The following NBN variants were observed in gnomAD, a reference collection of about 807,000 sequenced individuals.
NBN encodes the protein Nijmegen breakage syndrome 1 (nibrin).
A neutral mutation model predicts 90.8 loss-of-function variants in NBN; 88 were observed. That is an observed-to-expected ratio of 0.97 (90% CI 0.82 to 1.16). The LOEUF (loss-of-function observed/expected upper bound fraction) is 1.16. NBN is among the 50% of genes most tolerant of loss of function. The probability of loss-of-function intolerance (pLI) is 0.00; values close to 1 mark genes in which losing one functional copy is unlikely to be tolerated. For missense variants in NBN, 894 were observed against 869.6 expected, an observed-to-expected ratio of 1.03 and a Z score of -0.35; for synonymous variants, 328 against 295.1, an observed-to-expected ratio of 1.11 and a Z score of -1.14.
chr8:89,941,488 T>C (rs957815996), intron 14 of NBN, among the ~76,000 whole-genome samples: 4 of 152,232 alleles, frequency 2.6e-5, no homozygotes, highest in South Asian at 2.1e-4. Flanking sequence ...GTGATTTTTA[T>C]AGTTTTCCTC....
At chr8:89,946,428 G>C (rs1435235105) in intron 12 of NBN, 133 bp from the exon 13 acceptor site, 4 of 779,548 alleles carry the variant, frequency 5.1e-6, no homozygotes, top group Non-Finnish European at 6.3e-6. Flanking sequence ...TCTTGTACCT[G>C]AACTTTGTAT....
At chr8:89,975,088 T>C (rs1475548102) in intron 5 of NBN, among the ~76,000 whole-genome samples, 3 of 152,234 alleles carry the variant, frequency 2.0e-5, no homozygotes, top group African/African-American at 4.8e-5. Flanking sequence ...CTTTTAAATG[T>C]ATTCTTCTAA....
At chr8:89,947,987 T>C (rs1483321480) in intron 11 of NBN, 95 bp from the exon 12 acceptor site, 1 of 727,914 alleles carries the variant, frequency 1.4e-6, no homozygotes, top group South Asian at 2.0e-5. Context: ...AAGTGTAAAA[T>C]GGTTCCTTTC....
At chr8:89,942,852 AGAAT>A (rs2130754016) in intron 14 of NBN, among the ~76,000 whole-genome samples, 1 of 152,340 alleles carries the variant, frequency 6.6e-6, no homozygotes, top group African/African-American at 2.4e-5. Context: ...AATATTCAAG[AGAAT>A]GAATAAGAAA....
At chr8:89,965,805 G>A (rs574358874) in intron 7 of NBN, among the ~76,000 whole-genome samples, 2 of 152,190 alleles carry the variant, frequency 1.3e-5, no homozygotes, top group African/African-American at 4.8e-5. Context: ...ATTTTAAATG[G>A]TTAGTTCGTA....
chr8:89,975,789 T>C (rs1199456023), intron 5 of NBN, among the ~76,000 whole-genome samples: 1 of 152,204 alleles, frequency 6.6e-6, no homozygotes, highest in Non-Finnish European at 1.5e-5. Context: ...CCATGAAATA[T>C]ATCTACTAGT....
At chr8:89,975,032 T>C (rs1418448058) in intron 5 of NBN, among the ~76,000 whole-genome samples, 1 of 152,224 alleles carries the variant, frequency 6.6e-6, no homozygotes, top group Non-Finnish European at 1.5e-5. Flanking sequence ...CATTTAGACA[T>C]ACAAATCTCC....
At chr8:89,982,967 A>G (rs1812149232) in intron 1 of NBN, 112 bp from the exon 2 acceptor site, 2 of 1,140,088 alleles carry the variant, frequency 1.8e-6, no homozygotes, top group Admixed American at 4.1e-5. Context: ...ATATTAAATA[A>G]AACACCTTTG....
At chr8:89,981,859 A>C in intron 2 of NBN, 1 of 638,772 alleles carries the variant, frequency 1.6e-6, no homozygotes, top group African/African-American at 1.9e-5. Flanking sequence ...TTTCATTCCT[A>C]GATCTTTTTT....
chr8:89,984,645 G>C lies in NBN; in HGVS notation c.-84C>G. The C allele has an allele frequency of 1.9e-6, 3 of 1,579,622 alleles. No individual in the cohort carries two copies. Among genetic ancestry groups the C allele is most frequent in the Non-Finnish European group, 2.6e-6 (3 of 1,162,494 alleles). On this transcript the variant is annotated 5_prime_UTR_variant, in exon 1 of 16. Coordinates refer to ENST00000265433, the MANE Select transcript of NBN (RefSeq NM_002485.5). The stretch of plus-strand genomic sequence containing the variant: ...GAGCGCGGATACGGCGCCTGCGGTC[G>C]GCATGGGCTCCGGGACGTGCGCGCT...
intron 13 of NBN, 171 bp from the exon 14 acceptor site, chr8:89,943,537 C>A: frequency 4.8e-6 from 1 of 210,258 alleles, no homozygotes; most frequent in Non-Finnish European, 8.2e-6. Flanking sequence ...TCTGTTTTTG[C>A]CCTTCTTTTA....
rs539315681 is a variant in NBN at position 89,938,674 on chromosome 8, A to G, written c.2185-1599T>C. ...CACCAGCTCTTAACGAGGCTGCCTC[A>G]GGGCTTCTGAATCTCTAGAGCAAGC... On this transcript the variant is annotated intron_variant, in intron 14 of 15. Coordinates refer to ENST00000265433, the MANE Select transcript of NBN (RefSeq NM_002485.5). 2.3e-4 allele frequency among the ~76,000 whole-genome samples: 35 copies of G among 152,334 alleles called. No homozygotes were observed. In the East Asian group the frequency reaches 2.5e-3, roughly 11 times the overall value.
Position 89,984,658 on chromosome 8 carries a change from G to C in NBN, c.-97C>G. The C allele has an allele frequency of 6.4e-7, 1 of 1,550,562 alleles. No homozygotes were observed. The highest frequency in any genetic ancestry group is 1.2e-5 in the South Asian group (1 of 85,748). ...GCGCCTGCGGTCGGCATGGGCTCCG[G>C]GACGTGCGCGCTCCCGGGAGCCACG... On this transcript the variant is annotated 5_prime_UTR_variant, in exon 1 of 16. Coordinates refer to ENST00000265433, the MANE Select transcript of NBN (RefSeq NM_002485.5).
At chr8:89,969,202 CT>C (rs1462624349) in intron 7 of NBN, among the ~76,000 whole-genome samples, 1 of 152,200 alleles carries the variant, frequency 6.6e-6, no homozygotes, top group Non-Finnish European at 1.5e-5. Flanking sequence ...TTCTACAATA[CT>C]TACTGGCTTC....
In NBN at chr8:89,945,069, T is replaced by C. The variant is rs1586038516; in HGVS notation, c.2070+1071A>G. Among the ~76,000 whole-genome samples the C allele has an allele frequency of 2.0e-5, 3 of 152,364 alleles. No individual in the cohort carries two copies. The South Asian group carries it at 6.2e-4, about 32-fold the overall frequency. On this transcript the variant is annotated intron_variant, in intron 13 of 15. Transcript: ENST00000265433. The stretch of plus-strand genomic sequence containing the variant: ...CTTTCCAGAGATTCATATTACTTCA[T>C]ACTTCTTCAGTTGTTAATAAACCAC...
At chr8:89,971,929 C>T (rs1586089968) in intron 5 of NBN, among the ~76,000 whole-genome samples, 1 of 152,216 alleles carries the variant, frequency 6.6e-6, no homozygotes. Flanking sequence ...TTAAGCCTCT[C>T]ATCAGTCTAG....
At chr8:89,944,664 G>C (rs1323975251) in intron 13 of NBN, among the ~76,000 whole-genome samples, 1 of 152,066 alleles carries the variant, frequency 6.6e-6, no homozygotes, top group Non-Finnish European at 1.5e-5. Flanking sequence ...TGCAACCTCC[G>C]CCTCCTGGGC....
Position 89,946,251 on chromosome 8 carries a change from CT to C in NBN, c.1958del (p.Lys653SerfsTer4). The C allele has an allele frequency of 1.9e-6, 3 of 1,586,992 alleles. No homozygotes were observed. Among genetic ancestry groups the C allele is most frequent in the Admixed American group, 1.7e-5 (1 of 59,928 alleles). On this transcript the variant is annotated frameshift_variant, in exon 13 of 16. Transcript: ENST00000265433. LOFTEE classifies it high-confidence loss of function. ...GTGATCTAAATTCAGTCAATAACAG[CT>C]TTTTTGGAAGCATCTCACTATCATC... ...LQDDSEMLPKKLLLTEFRSLV... is the reference protein window; with the variant it reads ...LQDDSEMLPKXLLLTEFRSLV...
At chr8:89,978,457 T>G in intron 4 of NBN, 134 bp from the exon 5 acceptor site, 1 of 689,010 alleles carries the variant, frequency 1.5e-6, no homozygotes, top group Non-Finnish European at 2.4e-6. Context: ...CTCTCTAAAT[T>G]TATAAAGAAG....
Sources: gnomAD v4.1 joint callset for allele counts (sites outside exome capture counted in the v4.1 genomes callset) on GRCh38, gnomAD v4.1.1 for gene constraint, MANE v1.5 for transcripts, NCBI Gene and HGNC (gene_info 2026-07-23, HGNC 2026-07-21) for gene names.